Variants in PCDHA1 observed in about 807,000 individuals in gnomAD.
PCDHA1 encodes protocadherin alpha-1.
Under a neutral mutation model 61.3 loss-of-function variants are expected in PCDHA1, and 42 were observed. The observed-to-expected ratio is 0.69, with a 90% CI of 0.54 to 0.89. The LOEUF (loss-of-function observed/expected upper bound fraction) is 0.89. Among genes scored for constraint, PCDHA1 ranks in the 40% least tolerant of loss-of-function variants. The pLI is 0.00. For synonymous variants in PCDHA1, 610 were observed against 553.8 expected, an observed-to-expected ratio of 1.10 and a Z score of -1.43; for missense variants, 1,256 against 1,235.3, an observed-to-expected ratio of 1.02 and a Z score of -0.25.
At chr5:140,893,039 C>A (rs1024548713) in intron 1 of PCDHA1, among the ~76,000 whole-genome samples, 49 of 152,306 alleles carry the variant, frequency 3.2e-4, no homozygotes, top group African/African-American at 1.1e-3. Flanking sequence ...TAACATATGC[C>A]CTCCAGGCTC....
intron 1 of PCDHA1, chr5:140,824,084 C>A: frequency 2.5e-6 from 4 of 1,614,192 alleles, no homozygotes; most frequent in Non-Finnish European, 8.5e-7. Flanking sequence ...GACCTCATGG[C>A]CTTCAGTCCA....
At chr5:140,870,822 A>G in intron 1 of PCDHA1, 3 of 1,613,698 alleles carry the variant, frequency 1.9e-6, no homozygotes, top group Non-Finnish European at 2.5e-6. Context: ...GCAGCGCGGG[A>G]GGCGCAGTTA....
intron 3 of PCDHA1, among the ~76,000 whole-genome samples, chr5:140,986,342 C>G (rs1390823261): frequency 4.6e-5 from 7 of 152,184 alleles, no homozygotes; most frequent in African/African-American, 1.7e-4. Flanking sequence ...ACAGTTGCAG[C>G]CTCTTCTTCA....
chr5:140,927,040 A>T (rs1554203950), intron 1 of PCDHA1: 1 of 1,612,350 alleles, frequency 6.2e-7, no homozygotes, highest in Non-Finnish European at 8.5e-7. Flanking sequence ...AGCGGCCGCT[A>T]TGTCCTCGCG....
At chr5:140,869,227 G>C (rs782048898) in intron 1 of PCDHA1, 1 of 1,613,788 alleles carries the variant, frequency 6.2e-7, no homozygotes, top group South Asian at 1.1e-5. Context: ...GGCCAAACAC[G>C]GCACCTTCGT....
chr5:140,869,552 C>G lies in PCDHA1; in HGVS notation c.2394+80868C>G, dbSNP rs537127263. ...ATTGCGGAATCTAAGCAATCGGACT[C>G]GCGTTTTCCACTAGAGGGAGCTTCT... On this transcript the variant is annotated intron_variant, in intron 1 of 3. Transcript: ENST00000504120. 12 of 1,614,022 alleles carry G rather than the reference C, an allele frequency of 7.4e-6. No homozygotes were observed. The African/African-American group carries it at 1.5e-4, about 20-fold the overall frequency.
intron 1 of PCDHA1, among the ~76,000 whole-genome samples, chr5:140,941,255 CTCTT>C (rs1554214207): frequency 2.2e-4 from 10 of 44,514 alleles, no homozygotes; most frequent in East Asian, 7.5e-4. Flanking sequence ...TTCTTTCTTT[CTCTT>C]TCTTTCTTTC....
intron 1 of PCDHA1, among the ~76,000 whole-genome samples, chr5:140,914,408 T>C (rs917953173): frequency 6.6e-6 from 1 of 152,224 alleles, no homozygotes; most frequent in Non-Finnish European, 1.5e-5. Context: ...GCTCCTGTTT[T>C]GTTTCCATTA....
intron 1 of PCDHA1, among the ~76,000 whole-genome samples, chr5:140,897,646 C>T (rs1336141431): frequency 1.3e-5 from 2 of 152,128 alleles, no homozygotes; most frequent in African/African-American, 4.8e-5. Flanking sequence ...CCACAATAAA[C>T]ATACGTGTGC....
Position 140,796,809 on chromosome 5 carries a change from T to C in PCDHA1, c.2394+8125T>C, listed in dbSNP as rs781867380. 3.7e-6 allele frequency: 6 copies of C among 1,614,126 alleles called. No individual in the cohort carries two copies. The Admixed American group carries it at 8.3e-5, about 22-fold the overall frequency. On this transcript the variant is annotated intron_variant, in intron 1 of 3. Transcript: ENST00000504120. Reference sequence around the variant, plus strand: ...TTTCGTACGAGCTTCAGCTGGGTACTGGCAGCGCTCGCATCCCGTTCCGCG... The same window carrying C: ...TTTCGTACGAGCTTCAGCTGGGTACCGGCAGCGCTCGCATCCCGTTCCGCG...
intron 1 of PCDHA1, chr5:140,809,119 C>T: frequency 6.2e-7 from 1 of 1,613,992 alleles, no homozygotes; most frequent in Non-Finnish European, 8.5e-7. Context: ...ACGCTCCGCG[C>T]CACCGCCTAC....
At chr5:140,959,343 C>T (rs1370310453) in intron 1 of PCDHA1, among the ~76,000 whole-genome samples, 1 of 152,052 alleles carries the variant, frequency 6.6e-6, no homozygotes, top group Admixed American at 6.6e-5. Context: ...CTACTGCACT[C>T]CAGCGGGACA....
At chr5:140,876,635 C>T (rs1554168754) in intron 1 of PCDHA1, 1 of 1,614,208 alleles carries the variant, frequency 6.2e-7, no homozygotes, top group East Asian at 2.2e-5. Flanking sequence ...GTCATCTGCT[C>T]ACTGACACCT....
intron 3 of PCDHA1, among the ~76,000 whole-genome samples, chr5:141,003,429 A>G (rs782300910): frequency 6.6e-5 from 10 of 152,138 alleles, no homozygotes; most frequent in Non-Finnish European, 1.3e-4. Flanking sequence ...CTTATGCCTC[A>G]GCCTCCCAAG....
At chr5:140,832,201 G>A (rs2150200141) in intron 1 of PCDHA1, among the ~76,000 whole-genome samples, 53 of 152,338 alleles carry the variant, frequency 3.5e-4, no homozygotes, top group African/African-American at 1.3e-3. Flanking sequence ...AACCTGCTGA[G>A]TCCTCAGTGA....
intron 1 of PCDHA1, chr5:140,808,757 G>T (rs781847203): frequency 1.9e-6 from 3 of 1,612,266 alleles, no homozygotes; most frequent in South Asian, 2.2e-5. Context: ...GCAGCCGCTG[G>T]ACCACGAGGA....
At position 140,870,607 on chromosome 5, in the gene PCDHA1, G is replaced by T. The variant is rs782060261; in HGVS notation, c.2394+81923G>T. 15 of 1,613,098 alleles carry T rather than the reference G, an allele frequency of 9.3e-6. No individual in the cohort carries two copies. The Middle Eastern group carries it at 5.1e-4, about 55-fold the overall frequency. ...GGTGGAGCGGCGGTTGGGCGACCGCGCGCTGTCGAGCTACGTGTCGGTGCA... is the reference window on the plus strand; with the variant it reads ...GGTGGAGCGGCGGTTGGGCGACCGCTCGCTGTCGAGCTACGTGTCGGTGCA... On this transcript the variant is annotated intron_variant, in intron 1 of 3. Transcript: ENST00000504120.
At chr5:140,850,903 G>T (rs781893598) in intron 1 of PCDHA1, 1 of 1,560,860 alleles carries the variant, frequency 6.4e-7, no homozygotes, top group Non-Finnish European at 8.7e-7. Context: ...GGTTTTTCTA[G>T]CATTTTATTT....
In PCDHA1 at chr5:140,841,042, G is replaced by A. The variant is rs1776988027; in HGVS notation, c.2394+52358G>A. 7.4e-6 allele frequency: 3 copies of A among 406,126 alleles called. No individual in the cohort carries two copies. The South Asian group carries it at 1.3e-4, about 18-fold the overall frequency. 25.2% of individuals were successfully genotyped at this position (406,126 alleles called of 1,614,324 possible). On this transcript the variant is annotated intron_variant, in intron 1 of 3. Transcript: ENST00000504120. ...ATGCCTCTGCAATTGATAAAGTTAA[G>A]GATTTACTATTAAATTATGATAAAG...
Sources: allele counts gnomAD v4.1 joint callset (sites outside exome capture counted in the v4.1 genomes callset), GRCh38; gene constraint gnomAD v4.1.1; transcripts MANE v1.5; gene names NCBI Gene and HGNC (gene_info 2026-07-23, HGNC 2026-07-21).